PDE5A: variants seen among roughly 807,000 people sequenced by gnomAD.
The protein encoded by PDE5A is cGMP-specific 3',5'-cyclic phosphodiesterase.
PDE5A carries 67 observed loss-of-function variants against 110.2 expected under a neutral mutation model. The ratio of observed to expected loss-of-function variants is 0.61; its 90% confidence interval spans 0.50 to 0.75. The LOEUF (loss-of-function observed/expected upper bound fraction) is 0.75, where lower values mean the gene tolerates loss of function less well. Among genes scored for constraint, PDE5A ranks in the 30% least tolerant of loss-of-function variants. The pLI is 0.00. For synonymous variants in PDE5A, 328 were observed against 351.2 expected (o/e 0.93, Z 0.74); for missense variants, 862 against 1,045.1 (o/e 0.82, Z 2.42).
In PDE5A at chr4:119,501,198, A is replaced by G. The variant is rs202047445; in HGVS notation, c.2462T>C (p.Ile821Thr). The G allele has an allele frequency of 5.6e-6, 9 of 1,612,082 alleles. No homozygotes were observed. Among genetic ancestry groups the G allele is most frequent in the South Asian group, 1.1e-5 (1 of 91,040 alleles). Residue 821 changes from isoleucine to threonine, a missense_variant, in exon 20 of 21, where the codon ATA becomes ACA. By Grantham distance (89) the Ile-to-Thr change is moderately conservative (BLOSUM62 -1). Transcript: ENST00000354960. The stretch of plus-strand genomic sequence containing the variant: ...ATACAGTTGCAAGCAGATGGCATCT[A>G]TGAACCCAACTTGCATACTTGGGAT... ...NKIPSMQVGF[I>T]DAICLQLYEA...
intron 20 of PDE5A, chr4:119,500,386 T>C (rs2110450000): frequency 6.6e-6 from 1 of 151,802 alleles, no homozygotes; most frequent in East Asian, 1.9e-4. Flanking sequence ...AGAACTGGAC[T>C]GTAGATGCAC....
chr4:119,541,486 T>C (rs1024845281), intron 10 of PDE5A, among the ~76,000 whole-genome samples: 1 of 152,008 alleles, frequency 6.6e-6, no homozygotes, highest in South Asian at 2.1e-4. Context: ...CTGGTTTATA[T>C]ATTCAAAGTC....
rs1443101627 is a variant in PDE5A, at chr4:119,627,881, AC to A, written c.152+638del. 1 of 234,702 alleles carries A rather than the reference AC, an allele frequency of 4.3e-6. No individual in the cohort carries two copies. The highest frequency in any genetic ancestry group is 7.0e-6 in the Non-Finnish European group (1 of 143,510). The allele number at this position is 234,702 out of a possible 1,614,324, so 14.5% of individuals were successfully genotyped here. A position where few individuals can be genotyped will look rare whatever the true frequency, so the allele number is the denominator to read the frequency against. ...TGCGCCCTTTGTGTGCACGCCGCAA[AC>A]CCCTCTGCAGAGCTCTACTTTTGGC... On this transcript the variant is annotated intron_variant, in intron 1 of 20. Transcript: ENST00000354960. This position sits in a 1 kb window ranked among gnomAD's most constrained non-coding sequence, Gnocchi z 4.6.
intron 3 of PDE5A, among the ~76,000 whole-genome samples, chr4:119,595,540 C>T (rs747044514): frequency 3.3e-5 from 5 of 152,216 alleles, no homozygotes; most frequent in South Asian, 2.1e-4. Flanking sequence ...AGGGCCCAAA[C>T]AGAACAAAAA....
chr4:119,543,934 T>C (rs1278735862), intron 9 of PDE5A: 2 of 152,194 alleles, frequency 1.3e-5, no homozygotes, highest in Non-Finnish European at 2.9e-5. Context: ...AGACTGTCAG[T>C]ATCTTGGGCT....
intron 3 of PDE5A, among the ~76,000 whole-genome samples, chr4:119,595,441 G>C (rs1729118570): frequency 6.6e-6 from 1 of 152,156 alleles, no homozygotes; most frequent in Non-Finnish European, 1.5e-5. Flanking sequence ...CTGTGAGGGT[G>C]TTCCCAGAAG....
intron 3 of PDE5A, among the ~76,000 whole-genome samples, chr4:119,586,880 GTACACAAAGCCTACCACAT>G (rs1728783028): frequency 6.6e-6 from 1 of 152,098 alleles, no homozygotes; most frequent in African/African-American, 2.4e-5. Flanking sequence ...TACCATTTGG[GTACACAAAGCCTACCACAT>G]TAATTTAATC....
At chr4:119,614,914 A>C (rs1729883081) in intron 1 of PDE5A, among the ~76,000 whole-genome samples, 1 of 152,184 alleles carries the variant, frequency 6.6e-6, no homozygotes, top group Admixed American at 6.5e-5. Flanking sequence ...AAACAAGAAA[A>C]ATAGCACCAG....
intron 2 of PDE5A, among the ~76,000 whole-genome samples, chr4:119,599,867 G>C (rs1729282400): frequency 6.6e-6 from 1 of 152,048 alleles, no homozygotes; most frequent in African/African-American, 2.4e-5. Flanking sequence ...AAAATGATAT[G>C]TAGGGTGAAA....
chr4:119,573,621 T>C (rs1411110217), intron 3 of PDE5A, among the ~76,000 whole-genome samples: 1 of 152,222 alleles, frequency 6.6e-6, no homozygotes, highest in Non-Finnish European at 1.5e-5. Context: ...CTTCTGTATA[T>C]ACAGGCACCT....
At position 119,545,777 on chromosome 4, in the gene PDE5A, A is replaced by G. The variant is rs200667674; in HGVS notation, c.1397-3143T>C. On this transcript the variant is annotated intron_variant, in intron 9 of 20. Coordinates refer to ENST00000354960, the MANE Select transcript of PDE5A (RefSeq NM_001083.4). ...GGCTCTTTGGCAGAACAGGGGGTCA[A>G]TGCTTATACCCTGCTTGCAGTCTTA... 5.9e-5 allele frequency among the ~76,000 whole-genome samples: 9 copies of G among 152,300 alleles called. No homozygotes were observed. The East Asian group carries it at 1.7e-3, about 29-fold the overall frequency.
At chr4:119,609,820 A>C (rs1292563629) in intron 1 of PDE5A, among the ~76,000 whole-genome samples, 1 of 152,228 alleles carries the variant, frequency 6.6e-6, no homozygotes, top group Non-Finnish European at 1.5e-5. Flanking sequence ...ATGCATATGT[A>C]AACTACCTTG....
At chr4:119,564,697 A>G (rs1028877709) in intron 5 of PDE5A, among the ~76,000 whole-genome samples, 3 of 152,122 alleles carry the variant, frequency 2.0e-5, no homozygotes, top group Non-Finnish European at 2.9e-5. Context: ...AAAAATGAAA[A>G]GTTCTGTAAC....
chr4:119,618,954 G>A (rs1162818011), intron 1 of PDE5A, among the ~76,000 whole-genome samples: 2 of 152,104 alleles, frequency 1.3e-5, no homozygotes, highest in African/African-American at 4.8e-5. Context: ...TAACTTTTGG[G>A]GGAGATTTGC....
At chr4:119,625,599 T>C (rs1246614545) in intron 1 of PDE5A, among the ~76,000 whole-genome samples, 1 of 152,172 alleles carries the variant, frequency 6.6e-6, no homozygotes, top group Non-Finnish European at 1.5e-5. Context: ...ATATTTTAAA[T>C]CTTAAAACAT....
At chr4:119,556,151 C>T (rs1727530373) in intron 7 of PDE5A, among the ~76,000 whole-genome samples, 1 of 152,142 alleles carries the variant, frequency 6.6e-6, no homozygotes, top group Non-Finnish European at 1.5e-5. Flanking sequence ...AATAATTCTC[C>T]TCCCCTTCTG....
chr4:119,521,517 C>G (rs1460539756), intron 12 of PDE5A, among the ~76,000 whole-genome samples: 1 of 151,544 alleles, frequency 6.6e-6, no homozygotes, highest in South Asian at 2.1e-4. Context: ...CCCATGCTCT[C>G]ATGTTGTATA....
intron 4 of PDE5A, among the ~76,000 whole-genome samples, chr4:119,565,953 A>T (rs1022183476): frequency 2.2e-5 from 3 of 137,576 alleles, no homozygotes; most frequent in African/African-American, 7.8e-5. Flanking sequence ...ATTAATTATT[A>T]TTAATTAATA....
At chr4:119,621,663 T>C (rs1440421631) in intron 1 of PDE5A, among the ~76,000 whole-genome samples, 3 of 152,216 alleles carry the variant, frequency 2.0e-5, no homozygotes, top group African/African-American at 7.2e-5. Context: ...GACAGATAGA[T>C]AGTTAGATAG....
Sources: allele counts gnomAD v4.1 joint callset (sites outside exome capture counted in the v4.1 genomes callset), GRCh38; gene constraint gnomAD v4.1.1; non-coding constraint Gnocchi (gnomAD v3.1); transcripts MANE v1.5; gene names NCBI Gene and HGNC (gene_info 2026-07-23, HGNC 2026-07-21).